ATAD1: variants seen among roughly 807,000 people sequenced by gnomAD.
ATAD1 encodes the protein outer mitochondrial transmembrane helix translocase.
Under a neutral mutation model 42.7 loss-of-function variants are expected in ATAD1, and 18 were observed. The observed-to-expected ratio is 0.42, with a 90% CI of 0.29 to 0.63. The LOEUF (loss-of-function observed/expected upper bound fraction) is 0.63, where lower values mean the gene tolerates loss of function less well. Among genes scored for constraint, ATAD1 ranks in the 20% least tolerant of loss-of-function variants. The pLI is 0.19. For missense variants in ATAD1, 294 were observed against 440.4 expected (o/e 0.67, Z 2.98); for synonymous variants, 132 against 143.1 (o/e 0.92, Z 0.55).
intron 2 of ATAD1, among the ~76,000 whole-genome samples, chr10:87,804,668 C>G (rs987207227): frequency 1.2e-4 from 19 of 152,130 alleles, no homozygotes; most frequent in Non-Finnish European, 2.8e-4. Flanking sequence ...CCATGCCCAG[C>G]CTATGTAGTC....
chr10:87,820,354 T>A (rs1857609350), upstream of ATAD1, among the ~76,000 whole-genome samples: 1 of 152,212 alleles, frequency 6.6e-6, no homozygotes, highest in Admixed American at 6.5e-5. Context: ...ATTCATTTAC[T>A]GAGTGAAATT....
chr10:87,775,331 G>A (rs752348892), intron 6 of ATAD1, among the ~76,000 whole-genome samples: 23 of 140,158 alleles, frequency 1.6e-4, no homozygotes, highest in Non-Finnish European at 3.0e-4. Context: ...TGAAGCAGGA[G>A]AATCGCTTGA....
intron 1 of ATAD1, among the ~76,000 whole-genome samples, chr10:87,825,650 C>G (rs555266057): frequency 6.6e-6 from 1 of 151,528 alleles, no homozygotes; most frequent in East Asian, 1.9e-4. Flanking sequence ...ACAACCACAG[C>G]GTCAGAGCTG....
At chr10:87,832,836 A>G (rs1277454357) in intron 1 of ATAD1, 1 of 152,114 alleles carries the variant, frequency 6.6e-6, no homozygotes. Context: ...GAGTCTTGCT[A>G]TGTTACCCAG....
At chr10:87,808,341 A>G (rs1198653407) in intron 2 of ATAD1, among the ~76,000 whole-genome samples, 1 of 152,168 alleles carries the variant, frequency 6.6e-6, no homozygotes, top group Non-Finnish European at 1.5e-5. Flanking sequence ...GCCAAAAAAA[A>G]AAAAAAAGTA....
intron 2 of ATAD1, among the ~76,000 whole-genome samples, chr10:87,806,029 G>A (rs1034750180): frequency 6.6e-6 from 1 of 151,974 alleles, no homozygotes; most frequent in African/African-American, 2.4e-5. Context: ...CCAGACAGTG[G>A]GAAAGAAGTG....
At chr10:87,756,177 C>G (rs1427274116) in intron 9 of ATAD1, among the ~76,000 whole-genome samples, 1 of 152,166 alleles carries the variant, frequency 6.6e-6, no homozygotes, top group Non-Finnish European at 1.5e-5. Flanking sequence ...TCCTTTAACA[C>G]AACCCCTAAA....
intron 2 of ATAD1, among the ~76,000 whole-genome samples, chr10:87,795,563 G>C (rs1856346362): frequency 6.6e-6 from 1 of 151,076 alleles, no homozygotes; most frequent in South Asian, 2.1e-4. Context: ...AAAGAAGGAG[G>C]AAAACTTACT....
intron 1 of ATAD1, among the ~76,000 whole-genome samples, chr10:87,826,414 TG>T (rs752220057): frequency 2.6e-5 from 4 of 152,230 alleles, no homozygotes; most frequent in Non-Finnish European, 4.4e-5. Flanking sequence ...CATTTCTTTG[TG>T]CCTTCTGAGT....
chr10:87,764,416 C>G (rs894047185), intron 8 of ATAD1, among the ~76,000 whole-genome samples: 7 of 152,110 alleles, frequency 4.6e-5, no homozygotes, highest in Admixed American at 2.0e-4. Flanking sequence ...GAGCAGAGAT[C>G]ACGCCACTGT....
At chr10:87,781,817 A>T (rs78786873) in intron 5 of ATAD1, among the ~76,000 whole-genome samples, 3 of 150,586 alleles carry the variant, frequency 2.0e-5, no homozygotes, top group East Asian at 1.9e-4. Context: ...TAATTTTTGT[A>T]TTTTTTTTTG....
Position 87,792,717 on chromosome 10 carries a change from C to T in ATAD1, c.201G>A (p.Val67=). The T allele has an allele frequency of 6.2e-7, 1 of 1,612,418 alleles. No homozygotes were observed. The highest frequency in any genetic ancestry group is 8.5e-7 in the Non-Finnish European group (1 of 1,179,036). ...KLMKQIGVKN[V]KLSEYEMSIA... ...TACTCATTTCATATTCTGAGAGCTTCACATTTTTCACTCCAATTTGCTTCA... is the reference window on the plus strand; with the variant it reads ...TACTCATTTCATATTCTGAGAGCTTTACATTTTTCACTCCAATTTGCTTCA... The change falls in exon 3 of 10, where the codon GTG becomes GTA. Residue 67 remains valine (V), a synonymous_variant. Coordinates refer to ENST00000680024, the MANE Select transcript of ATAD1 (RefSeq NM_001321967.2).
intron 5 of ATAD1, among the ~76,000 whole-genome samples, chr10:87,780,804 A>G (rs928719924): frequency 2.0e-5 from 3 of 152,204 alleles, no homozygotes; most frequent in African/African-American, 7.2e-5. Context: ...ATCTACATAC[A>G]GGCTGAAGCC....
At chr10:87,812,728 C>T (rs1857244296) in intron 2 of ATAD1, among the ~76,000 whole-genome samples, 1 of 152,172 alleles carries the variant, frequency 6.6e-6, no homozygotes, top group Non-Finnish European at 1.5e-5. Flanking sequence ...AGTATCCCTC[C>T]TTTTCAGTTG....
At chr10:87,764,013 C>T (rs1190175148) in intron 8 of ATAD1, among the ~76,000 whole-genome samples, 3 of 152,056 alleles carry the variant, frequency 2.0e-5, no homozygotes, top group African/African-American at 7.2e-5. Context: ...ATATATAGTT[C>T]TACCAGATAT....
chr10:87,783,046 T>A (rs188591089), intron 5 of ATAD1, among the ~76,000 whole-genome samples: 1 of 152,054 alleles, frequency 6.6e-6, no homozygotes, highest in East Asian at 1.9e-4. Context: ...CTAATCACAC[T>A]TCCCAGTTAA....
intron 1 of ATAD1, among the ~76,000 whole-genome samples, chr10:87,837,393 C>T (rs1323218656): frequency 1.3e-5 from 2 of 152,174 alleles, no homozygotes; most frequent in Non-Finnish European, 2.9e-5. Context: ...GAATATTTTG[C>T]TTTCCATGCT....
upstream of ATAD1, among the ~76,000 whole-genome samples, chr10:87,821,250 G>T (rs1389040168): frequency 6.6e-6 from 1 of 152,084 alleles, no homozygotes; most frequent in Non-Finnish European, 1.5e-5. Context: ...GTTCTTGGCT[G>T]GGCGCAGTGG....
chr10:87,754,475 G>A lies in ATAD1; in HGVS notation c.*212C>T, dbSNP rs1365096873. On this transcript the variant is annotated 3_prime_UTR_variant, in exon 10 of 10. Transcript: ENST00000680024. ...GGTCAAACACAAGCACCCACGTTCAGGCTGGATTCAACTGTTCCTCCTCAT... is the reference window on the plus strand; with the variant it reads ...GGTCAAACACAAGCACCCACGTTCAAGCTGGATTCAACTGTTCCTCCTCAT... 2.4e-6 allele frequency: 1 copy of A among 411,946 alleles called. No individual in the cohort carries two copies. Among genetic ancestry groups the A allele is most frequent in the East Asian group, 4.3e-5 (1 of 23,338 alleles). The allele number at this position is 411,946 out of a possible 1,614,324, so 25.5% of individuals were successfully genotyped here. A position where few individuals can be genotyped will look rare whatever the true frequency, so the allele number is the denominator to read the frequency against.
Sources: allele counts gnomAD v4.1 joint callset (sites outside exome capture counted in the v4.1 genomes callset), GRCh38; gene constraint gnomAD v4.1.1; transcripts MANE v1.5; gene names NCBI Gene and HGNC (gene_info 2026-07-23, HGNC 2026-07-21).